The following MACROD2 variants were observed in gnomAD, a reference collection of about 807,000 sequenced individuals.
MACROD2 encodes the protein ADP-ribose glycohydrolase MACROD2.
In MACROD2, 36 loss-of-function variants were observed where a neutral mutation model predicts 70.4. The observed-to-expected ratio is 0.51, with a 90% CI of 0.39 to 0.68. The LOEUF (loss-of-function observed/expected upper bound fraction) is 0.68, where lower values mean the gene tolerates loss of function less well. Ranked by LOEUF, MACROD2 falls within the 30% of genes least tolerant of loss-of-function variation. The pLI is 0.00. For synonymous variants in MACROD2, 172 were observed against 178.8 expected (o/e 0.96, Z 0.30); for missense variants, 496 against 538.4 (o/e 0.92, Z 0.78).
At chr20:14,454,801 G>A (rs1242460747) in intron 3 of MACROD2, among the ~76,000 whole-genome samples, 1 of 145,842 alleles carries the variant, frequency 6.9e-6, no homozygotes, top group Non-Finnish European at 1.5e-5. Context: ...CGCCCAGGCT[G>A]GAGTGCAGTG....
chr20:15,573,959 G>A (rs1284141042), intron 8 of MACROD2, among the ~76,000 whole-genome samples: 3 of 152,098 alleles, frequency 2.0e-5, no homozygotes, highest in African/African-American at 7.2e-5. Context: ...AATCCAAAAG[G>A]TTCAGCTCAG....
At chr20:14,996,249 T>C (rs2074948426) in intron 5 of MACROD2, among the ~76,000 whole-genome samples, 1 of 152,214 alleles carries the variant, frequency 6.6e-6, no homozygotes, top group Non-Finnish European at 1.5e-5. Flanking sequence ...GCCTTGGCTG[T>C]GTGGCTTTTC....
intron 3 of MACROD2, among the ~76,000 whole-genome samples, chr20:14,293,468 T>G (rs2082402216): frequency 6.6e-6 from 1 of 151,796 alleles, no homozygotes; most frequent in Non-Finnish European, 1.5e-5. Flanking sequence ...GGTGAGACCT[T>G]AATGACGAGA....
rs573207596 is a variant in MACROD2 at position 14,822,365 on chromosome 20, T to G, written c.418+137406T>G. On this transcript the variant is annotated intron_variant, in intron 5 of 17. Coordinates refer to ENST00000684519, the MANE Select transcript of MACROD2 (RefSeq NM_001351661.2). Reference sequence around the variant, plus strand: ...TAGGGTATCTGAACCTTTTAAACCTTGTGGGTATCATTTGTATAATATTCT... The same window carrying G: ...TAGGGTATCTGAACCTTTTAAACCTGGTGGGTATCATTTGTATAATATTCT... Among the ~76,000 whole-genome samples, 1,067 of 152,218 alleles carry G rather than the reference T, an allele frequency of 7.0e-3. 47 individuals are homozygous for G. In the East Asian group the frequency reaches 0.11, roughly 15 times the overall value.
At chr20:15,007,358 C>T (rs1376241335) in intron 5 of MACROD2, among the ~76,000 whole-genome samples, 1 of 150,646 alleles carries the variant, frequency 6.6e-6, no homozygotes, top group African/African-American at 2.5e-5. Flanking sequence ...AGTGAGACTC[C>T]ATCTCAAAAA....
chr20:14,908,877 A>G (rs772022962), intron 5 of MACROD2, among the ~76,000 whole-genome samples: 17 of 152,150 alleles, frequency 1.1e-4, no homozygotes, highest in Non-Finnish European at 2.1e-4. Context: ...CAGTACTACA[A>G]GAGTTAAATG....
chr20:15,541,506 T>C (rs1421600438), intron 8 of MACROD2, among the ~76,000 whole-genome samples: 1 of 152,186 alleles, frequency 6.6e-6, no homozygotes, highest in Non-Finnish European at 1.5e-5. Context: ...GCTGGGTCTT[T>C]GAGTTTTCTT....
chr20:15,107,976 G>A (rs1027761308), intron 5 of MACROD2, among the ~76,000 whole-genome samples: 2 of 144,090 alleles, frequency 1.4e-5, no homozygotes, highest in African/African-American at 5.1e-5. Context: ...ACTCTTGAGA[G>A]CAAGCTCTTT....
chr20:14,973,450 C>T (rs2074710517), intron 5 of MACROD2, among the ~76,000 whole-genome samples: 1 of 151,928 alleles, frequency 6.6e-6, no homozygotes, highest in African/African-American at 2.4e-5. Context: ...CTCAAACTCT[C>T]AACTTGAAGT....
chr20:15,964,620 G>A (rs991813188), intron 12 of MACROD2, among the ~76,000 whole-genome samples: 25 of 152,038 alleles, frequency 1.6e-4, no homozygotes, highest in African/African-American at 5.8e-4. Flanking sequence ...TATGAGTAAG[G>A]ATTTCACGTA....
chr20:14,174,507 A>G (rs182608083), intron 3 of MACROD2, among the ~76,000 whole-genome samples: 1 of 152,052 alleles, frequency 6.6e-6, no homozygotes, highest in East Asian at 1.9e-4. Flanking sequence ...GGCTGGTCTC[A>G]CTCCCACCAT....
chr20:15,254,589 T>C (rs1433802614), intron 6 of MACROD2, among the ~76,000 whole-genome samples: 1 of 152,164 alleles, frequency 6.6e-6, no homozygotes, highest in Non-Finnish European at 1.5e-5. Context: ...TAAGTTGATA[T>C]TGAACTAATT....
chr20:14,643,529 G>A (rs1985206207), intron 4 of MACROD2, among the ~76,000 whole-genome samples: 1 of 152,146 alleles, frequency 6.6e-6, no homozygotes, highest in South Asian at 2.1e-4. Flanking sequence ...CAGGCTTGAT[G>A]AGCTCTAGGA....
intron 8 of MACROD2, among the ~76,000 whole-genome samples, chr20:15,760,296 C>T (rs770931628): frequency 1.5e-4 from 23 of 152,188 alleles, no homozygotes; most frequent in Non-Finnish European, 2.9e-4. Flanking sequence ...GCTTCTCAGC[C>T]ACTTACGCAA....
chr20:14,414,965 G>GTATATT (rs1228249846), intron 3 of MACROD2, among the ~76,000 whole-genome samples: 2 of 149,602 alleles, frequency 1.3e-5, no homozygotes, highest in South Asian at 2.1e-4. Context: ...CTATCACCAT[G>GTATATT]TATTAGTATA....
chr20:15,502,690 G>A lies in MACROD2; in HGVS notation c.645+2843G>A, dbSNP rs549438891. On this transcript the variant is annotated intron_variant, in intron 8 of 17. Transcript: ENST00000684519. ...GATGGTAGAAAAGGAGGTAACAAGC[G>A]TCAAGTTTGGGGTACACTTTGATGA... Among the ~76,000 whole-genome samples, 20 of 152,250 alleles carry A rather than the reference G, an allele frequency of 1.3e-4. No individual in the cohort carries two copies. The South Asian group carries it at 1.4e-3, about 11-fold the overall frequency.
chr20:15,503,391 C>A (rs1031474115), intron 8 of MACROD2, among the ~76,000 whole-genome samples: 2 of 152,150 alleles, frequency 1.3e-5, no homozygotes, highest in Non-Finnish European at 2.9e-5. Context: ...GAAAGAAAGA[C>A]CGGGTGATAT....
chr20:15,856,052 T>G (rs1235303658), intron 8 of MACROD2, among the ~76,000 whole-genome samples: 1 of 152,158 alleles, frequency 6.6e-6, no homozygotes, highest in Admixed American at 6.5e-5. Context: ...AGGAGTGAAA[T>G]TGCTAGGTTA....
chr20:14,124,380 A>G (rs1426851161), intron 3 of MACROD2, among the ~76,000 whole-genome samples: 1 of 152,166 alleles, frequency 6.6e-6, no homozygotes, highest in African/African-American at 2.4e-5. Context: ...TAATAGGCTA[A>G]TGTGTTCCTC....
Sources: allele counts gnomAD v4.1 joint callset (sites outside exome capture counted in the v4.1 genomes callset), GRCh38; gene constraint gnomAD v4.1.1; transcripts MANE v1.5; gene names NCBI Gene and HGNC (gene_info 2026-07-23, HGNC 2026-07-21).